MAPKAPK2: variants seen among roughly 807,000 people sequenced by gnomAD.
MAPKAPK2 encodes MAP kinase-activated protein kinase 2.
A neutral mutation model predicts 48.8 loss-of-function variants in MAPKAPK2; 9 were observed. The ratio of observed to expected loss-of-function variants is 0.18; its 90% CI spans 0.11 to 0.32. The LOEUF is 0.32. MAPKAPK2 is among the 10% of genes least tolerant of loss of function. The pLI is 1.00. For missense variants in MAPKAPK2, 331 were observed against 498.3 expected (o/e 0.66, Z 3.20); for synonymous variants, 202 against 190.6 (o/e 1.06, Z -0.49).
chr1:206,696,390 G>C, intron 1 of MAPKAPK2: 1 of 632,728 alleles, frequency 1.6e-6, no homozygotes, highest in South Asian at 1.9e-5. Context: ...TTATTTTCAT[G>C]TAGTGACCGT....
At chr1:206,694,521 C>T (rs1482557801) in intron 1 of MAPKAPK2, among the ~76,000 whole-genome samples, 1 of 152,214 alleles carries the variant, frequency 6.6e-6, no homozygotes, top group East Asian at 1.9e-4. Context: ...CTTTCCCTAT[C>T]CCGACTGCCT....
chr1:206,695,774 T>C (rs891128659), intron 1 of MAPKAPK2: 29 of 261,702 alleles, frequency 1.1e-4, no homozygotes, highest in Non-Finnish European at 1.6e-4. Context: ...CTCTCTCTCT[T>C]TTTTTTTTTA....
At chr1:206,698,034 G>A (rs546693459) in intron 1 of MAPKAPK2, among the ~76,000 whole-genome samples, 1 of 152,384 alleles carries the variant, frequency 6.6e-6, no homozygotes, top group South Asian at 2.1e-4. Context: ...CTGATGCTGG[G>A]AAACAAGTGG....
Position 206,732,923 on chromosome 1 carries a change from G to A in MAPKAPK2, c.*205G>A. The A allele has an allele frequency of 1.7e-6, 1 of 577,104 alleles. No homozygotes were observed. Among genetic ancestry groups the A allele is most frequent in the Non-Finnish European group, 3.0e-6 (1 of 335,338 alleles). 35.7% of individuals were successfully genotyped at this position (577,104 alleles called of 1,614,324 possible). A position where few individuals can be genotyped will look rare whatever the true frequency, so the allele number is the denominator to read the frequency against. On this transcript the variant is annotated 3_prime_UTR_variant, in exon 10 of 10. Transcript: ENST00000367103. This position sits in a 1 kb window ranked among gnomAD's most constrained non-coding sequence, Gnocchi z 4.4. ...CTGGGAGGTTGGGAGGCTGTGGAGA[G>A]AAGTGAGCAAGGTGCTCTTGAACCT...
At chr1:206,703,191 A>G (rs1302794216) in intron 1 of MAPKAPK2, among the ~76,000 whole-genome samples, 2 of 152,248 alleles carry the variant, frequency 1.3e-5, no homozygotes, top group African/African-American at 4.8e-5. Flanking sequence ...AGCAGCTGAT[A>G]ATTAACAGAC....
intron 1 of MAPKAPK2, among the ~76,000 whole-genome samples, chr1:206,702,581 G>A (rs7512546): frequency 0.032 from 4,870 of 152,340 alleles, 250 homozygotes; most frequent in African/African-American, 0.11. Flanking sequence ...TTGCATGTTA[G>A]CACTTGTTAA....
intron 1 of MAPKAPK2, among the ~76,000 whole-genome samples, chr1:206,694,927 G>A (rs1231425678): frequency 6.6e-6 from 1 of 152,196 alleles, no homozygotes; most frequent in African/African-American, 2.4e-5. Flanking sequence ...AAACACTTGC[G>A]CTTGCAGACA....
intron 1 of MAPKAPK2, chr1:206,696,333 A>G (rs1257532071): frequency 1.3e-6 from 1 of 765,874 alleles, no homozygotes; most frequent in East Asian, 2.4e-5. Context: ...ATCGGATTGG[A>G]CTGTAAATCC....
chr1:206,728,678 C>T (rs1553432167), intron 1 of MAPKAPK2, 32 bp from the exon 2 acceptor site: 8 of 1,604,290 alleles, frequency 5.0e-6, no homozygotes, highest in Middle Eastern at 1.9e-4. Flanking sequence ...CATGTGACAG[C>T]GCAGTTACTC....
At chr1:206,705,338 C>A (rs564982123) in intron 1 of MAPKAPK2, among the ~76,000 whole-genome samples, 1 of 152,164 alleles carries the variant, frequency 6.6e-6, no homozygotes, top group Non-Finnish European at 1.5e-5. Flanking sequence ...AAGCTTTTGT[C>A]CTGGCATGAA....
intron 3 of MAPKAPK2, 69 bp downstream of exon 3, chr1:206,729,168 C>A (rs111480701): frequency 6.7e-7 from 1 of 1,501,436 alleles, no homozygotes; most frequent in Non-Finnish European, 9.3e-7. Context: ...GGGGCCTTTG[C>A]AGTGCCTGCT....
intron 1 of MAPKAPK2, among the ~76,000 whole-genome samples, chr1:206,720,252 A>G (rs957195082): frequency 1.3e-5 from 2 of 152,256 alleles, no homozygotes; most frequent in Non-Finnish European, 2.9e-5. Context: ...ATTGTAAATC[A>G]CCTAGAAAAT....
chr1:206,701,016 G>A lies in MAPKAPK2; in HGVS notation c.279+15508G>A, dbSNP rs896820499. Among the ~76,000 whole-genome samples the A allele has an allele frequency of 5.9e-5, 9 of 152,202 alleles. No individual in the cohort carries two copies. The South Asian group carries it at 1.9e-3, about 32-fold the overall frequency. ...TTTAGGCACTGTGTTCCCTGTACCT[G>A]TTGCCTCTGGTACAGCTGCTGCAGA... On this transcript the variant is annotated intron_variant, in intron 1 of 9. Coordinates refer to ENST00000367103, the MANE Select transcript of MAPKAPK2 (RefSeq NM_032960.4).
chr1:206,706,840 C>A (rs1411733271), intron 1 of MAPKAPK2, among the ~76,000 whole-genome samples: 3 of 152,190 alleles, frequency 2.0e-5, no homozygotes, highest in South Asian at 2.1e-4. Context: ...TTACCTGCAG[C>A]CCCTCGGGGC....
chr1:206,724,252 C>T (rs1673637037), intron 1 of MAPKAPK2, among the ~76,000 whole-genome samples: 1 of 152,180 alleles, frequency 6.6e-6, no homozygotes, highest in African/African-American at 2.4e-5. Context: ...CTGGCAGTGC[C>T]CTAGGAGTCC....
At chr1:206,696,696 C>A (rs1167526058) in intron 1 of MAPKAPK2, among the ~76,000 whole-genome samples, 1 of 152,088 alleles carries the variant, frequency 6.6e-6, no homozygotes, top group African/African-American at 2.4e-5. Context: ...AGAGCGAGAC[C>A]CCGTCTCTGA....
intron 1 of MAPKAPK2, among the ~76,000 whole-genome samples, chr1:206,727,389 G>A (rs1461288533): frequency 1.3e-5 from 2 of 152,178 alleles, no homozygotes; most frequent in Non-Finnish European, 2.9e-5. Context: ...ATGAAAAGCA[G>A]CTTAAACAGT....
chr1:206,710,153 C>T (rs1280761559), intron 1 of MAPKAPK2, among the ~76,000 whole-genome samples: 2 of 152,144 alleles, frequency 1.3e-5, no homozygotes, highest in African/African-American at 4.8e-5. Flanking sequence ...TAACATCAGT[C>T]CTCGAAGAAT....
Position 206,686,155 on chromosome 1 carries a change from C to G in MAPKAPK2, c.279+647C>G, listed in dbSNP as rs1184845838. 2.0e-5 allele frequency among the ~76,000 whole-genome samples: 3 copies of G among 152,060 alleles called. No individual in the cohort carries two copies. In the East Asian group the frequency reaches 5.8e-4, roughly 29 times the overall value. ...CCCGGAGCTGGCCCCCTCAGCTGGC[C>G]CCCTCCCACGCCCGCGCGGGGCGGC... is the stretch of plus-strand genomic sequence containing the variant. On this transcript the variant is annotated intron_variant, in intron 1 of 9. Coordinates refer to ENST00000367103, the MANE Select transcript of MAPKAPK2 (RefSeq NM_032960.4).
Sources: gnomAD v4.1 joint callset for allele counts (sites outside exome capture counted in the v4.1 genomes callset) on GRCh38, gnomAD v4.1.1 for gene constraint, Gnocchi (gnomAD v3.1) non-coding constraint, MANE v1.5 for transcripts, NCBI Gene and HGNC (gene_info 2026-07-23, HGNC 2026-07-21) for gene names.